Variants in PCSK2 observed in about 807,000 individuals in gnomAD.
PCSK2 encodes the protein neuroendocrine convertase 2.
PCSK2 carries 14 observed loss-of-function variants against 69.7 expected under a neutral mutation model. The observed-to-expected ratio is 0.20, with a 90% CI of 0.13 to 0.31. The LOEUF is 0.31. Ranked by LOEUF, PCSK2 falls within the 10% of genes least tolerant of loss-of-function variation. The pLI is 1.00. For missense variants in PCSK2, 544 were observed against 842.5 expected (o/e 0.65, Z 4.39); for synonymous variants, 307 against 320.7 (o/e 0.96, Z 0.46).
At chr20:17,259,053 G>A (rs1285118910) in intron 1 of PCSK2, among the ~76,000 whole-genome samples, 1 of 151,770 alleles carries the variant, frequency 6.6e-6, no homozygotes, top group South Asian at 2.1e-4. Context: ...GAGCCACACT[G>A]AGGTTCTATG....
intron 2 of PCSK2, among the ~76,000 whole-genome samples, chr20:17,278,371 T>C (rs6136048): frequency 0.088 from 13,358 of 152,158 alleles, 701 homozygotes; most frequent in African/African-American, 0.13. Flanking sequence ...ATATATACAC[T>C]ATGGAATACT....
At chr20:17,372,149 G>A (rs1322080168) in intron 5 of PCSK2, among the ~76,000 whole-genome samples, 1 of 152,106 alleles carries the variant, frequency 6.6e-6, no homozygotes, top group Non-Finnish European at 1.5e-5. Flanking sequence ...GGAGGCCAAG[G>A]CAGGTGGATC....
At chr20:17,295,986 G>T (rs1988879870) in intron 2 of PCSK2, among the ~76,000 whole-genome samples, 1 of 152,196 alleles carries the variant, frequency 6.6e-6, no homozygotes, top group Admixed American at 6.5e-5. Flanking sequence ...ACAGACCTGG[G>T]GTTCAAGCCA....
intron 5 of PCSK2, among the ~76,000 whole-genome samples, chr20:17,406,546 G>A (rs1057492244): frequency 2.1e-4 from 32 of 152,124 alleles, no homozygotes; most frequent in African/African-American, 7.5e-4. Flanking sequence ...GCAGAGTTCT[G>A]AGGGTTCTCT....
rs536362840 is a variant in PCSK2 at position 17,415,949 on chromosome 20, T to G, written c.620+6610T>G. Among the ~76,000 whole-genome samples, 8 of 152,306 alleles carry G rather than the reference T, an allele frequency of 5.3e-5. No homozygotes were observed. In the East Asian group the frequency reaches 1.5e-3, roughly 29 times the overall value. On this transcript the variant is annotated intron_variant, in intron 6 of 11. Transcript: ENST00000262545. Reference sequence around the variant, plus strand: ...AAAGGATTCCCTATTTAATAAATGGTGCTGGCAAAACTGGCTAGCCACATG... The same window carrying G: ...AAAGGATTCCCTATTTAATAAATGGGGCTGGCAAAACTGGCTAGCCACATG...
At chr20:17,388,871 A>G (rs1002101034) in intron 5 of PCSK2, among the ~76,000 whole-genome samples, 5 of 152,150 alleles carry the variant, frequency 3.3e-5, no homozygotes, top group Non-Finnish European at 7.4e-5. Flanking sequence ...ATATTTAGTA[A>G]CAGTATCACT....
intron 8 of PCSK2, among the ~76,000 whole-genome samples, chr20:17,449,754 C>T (rs6136098): frequency 0.66 from 100,420 of 151,256 alleles, 33,692 homozygotes; most frequent in African/African-American, 0.75. Context: ...CTCAGACTCC[C>T]GACCTCAGGG....
intron 2 of PCSK2, among the ~76,000 whole-genome samples, chr20:17,342,246 G>A (rs987054832): frequency 5.3e-5 from 8 of 152,222 alleles, no homozygotes; most frequent in African/African-American, 1.9e-4. Flanking sequence ...TTGAGATGGT[G>A]TTATTATTCC....
At chr20:17,237,363 G>T (rs1986381938) in intron 1 of PCSK2, among the ~76,000 whole-genome samples, 1 of 152,192 alleles carries the variant, frequency 6.6e-6, no homozygotes, top group Non-Finnish European at 1.5e-5. Context: ...TCATGCTATG[G>T]CAAGAAATAG....
At chr20:17,303,386 TA>T (rs1989159730) in intron 2 of PCSK2, among the ~76,000 whole-genome samples, 2 of 116,254 alleles carry the variant, frequency 1.7e-5, no homozygotes, top group African/African-American at 6.5e-5. Flanking sequence ...TATATTAATA[TA>T]ATATATAATA....
chr20:17,374,680 C>A (rs968880764), intron 5 of PCSK2, among the ~76,000 whole-genome samples: 1 of 152,024 alleles, frequency 6.6e-6, no homozygotes, highest in Non-Finnish European at 1.5e-5. Context: ...CAAATTACCC[C>A]CTAGGGCAAT....
At chr20:17,286,390 G>C (rs550586608) in intron 2 of PCSK2, among the ~76,000 whole-genome samples, 1 of 152,334 alleles carries the variant, frequency 6.6e-6, no homozygotes, top group South Asian at 2.1e-4. Flanking sequence ...AAGAATGTTA[G>C]AGATAAATGA....
At chr20:17,226,109 C>G (rs1461271473), upstream of PCSK2, 1 of 152,200 alleles carries the variant, frequency 6.6e-6, no homozygotes, top group Admixed American at 6.5e-5. Flanking sequence ...CGTTCCCCAA[C>G]TAGCACCCTC....
At chr20:17,335,603 T>C (rs1211260870) in intron 2 of PCSK2, among the ~76,000 whole-genome samples, 1 of 152,058 alleles carries the variant, frequency 6.6e-6, no homozygotes, top group Non-Finnish European at 1.5e-5. Context: ...CACCCGAGCA[T>C]TGTACACTGT....
intron 2 of PCSK2, among the ~76,000 whole-genome samples, chr20:17,303,595 GAGATGGAGTCT>G (rs1989230141): frequency 8.4e-6 from 1 of 118,738 alleles, no homozygotes; most frequent in South Asian, 2.5e-4. Context: ...CTTTTTTTTT[GAGATGGAGTCT>G]CACTCTGTCA....
chr20:17,329,851 CT>C (rs1316086519), intron 2 of PCSK2, among the ~76,000 whole-genome samples: 4 of 152,130 alleles, frequency 2.6e-5, no homozygotes. Flanking sequence ...AGAAATCTCC[CT>C]CTATATCGAG....
At chr20:17,234,011 T>C (rs1238669958) in intron 1 of PCSK2, among the ~76,000 whole-genome samples, 1 of 152,160 alleles carries the variant, frequency 6.6e-6, no homozygotes, top group Non-Finnish European at 1.5e-5. Flanking sequence ...AGGTCCCTGG[T>C]CCGTGAATTA....
intron 2 of PCSK2, among the ~76,000 whole-genome samples, chr20:17,272,874 A>C (rs984151367): frequency 2.6e-5 from 4 of 152,092 alleles, no homozygotes; most frequent in Non-Finnish European, 5.9e-5. Flanking sequence ...GTGTGTGTAT[A>C]TGGCTCTCTG....
At chr20:17,425,303 C>A (rs542414900) in intron 6 of PCSK2, among the ~76,000 whole-genome samples, 1 of 152,146 alleles carries the variant, frequency 6.6e-6, no homozygotes, top group Non-Finnish European at 1.5e-5. Flanking sequence ...CTTCTACACA[C>A]CAGCCTCAAA....
Sources: allele counts gnomAD v4.1 joint callset (sites outside exome capture counted in the v4.1 genomes callset), GRCh38; gene constraint gnomAD v4.1.1; transcripts MANE v1.5; gene names NCBI Gene and HGNC (gene_info 2026-07-23, HGNC 2026-07-21).